The following PARVG variants were observed in gnomAD, a reference collection of about 807,000 sequenced individuals.
PARVG encodes parvin gamma.
Under a neutral mutation model 44.4 loss-of-function variants are expected in PARVG, and 36 were observed. The ratio of observed to expected loss-of-function variants is 0.81; its 90% CI spans 0.62 to 1.07. The LOEUF (loss-of-function observed/expected upper bound fraction) is 1.07, where lower values mean the gene tolerates loss of function less well. PARVG is among the 50% of genes least tolerant of loss of function. The pLI is 0.00. For synonymous variants in PARVG, 170 were observed against 174.1 expected (o/e 0.98, Z 0.19); for missense variants, 407 against 407.4 (o/e 1.00, Z 0.01).
chr22:44,184,409 G>C (rs1214421517), intron 3 of PARVG: 1 of 152,178 alleles, frequency 6.6e-6, no homozygotes. Flanking sequence ...CAGGATCTCG[G>C]CTCACTGCAG....
At position 44,200,053 on chromosome 22, in the gene PARVG, C is replaced by T. The variant is rs544807213; in HGVS notation, c.813+1331C>T. On this transcript the variant is annotated intron_variant, in intron 12 of 13. Transcript: ENST00000444313. Reference sequence around the variant, plus strand: ...AGATGCAGCTCCCACCGCCTCTTCCCCAGGTACAGCCTTCAGTGCCCGCTG... The same window carrying T: ...AGATGCAGCTCCCACCGCCTCTTCCTCAGGTACAGCCTTCAGTGCCCGCTG... 2.3e-3 allele frequency among the ~76,000 whole-genome samples: 353 copies of T among 152,256 alleles called. 2 individuals carry two copies. Among genetic ancestry groups the T allele is most frequent in the African/African-American group, 8.3e-3 (345 of 41,540 alleles).
At chr22:44,195,959 G>T in intron 9 of PARVG, 196 bp from the exon 10 acceptor site, 1 of 598,396 alleles carries the variant, frequency 1.7e-6, no homozygotes, top group Non-Finnish European at 2.9e-6. Context: ...AGAGAGAGAC[G>T]GTGACTCCCC....
chr22:44,188,977 C>G (rs139137), intron 5 of PARVG, 137 bp from the exon 6 acceptor site: 623,439 of 1,146,692 alleles, frequency 0.54, 170,793 homozygotes, highest in Admixed American at 0.66. Flanking sequence ...GTGTGGCCCA[C>G]GGTCCAACAC....
chr22:44,196,238 G>A (rs1320734837), intron 10 of PARVG, 25 bp downstream of exon 10: 6 of 1,614,146 alleles, frequency 3.7e-6, no homozygotes, highest in Non-Finnish European at 5.1e-6. Context: ...AGCTCTCAGC[G>A]GCTCTCAGGC....
rs78936012 is a variant in PARVG at position 44,188,497 on chromosome 22, G to A, written c.248-617G>A. On this transcript the variant is annotated intron_variant, in intron 5 of 13. Transcript: ENST00000444313. Reference sequence around the variant, plus strand: ...CCCAATTCCATGTCCTCAGCACTTCGCCTGAGGCCAGCCTCTGCAGTGTTC... The same window carrying A: ...CCCAATTCCATGTCCTCAGCACTTCACCTGAGGCCAGCCTCTGCAGTGTTC... 2,419 of 161,794 alleles carry A rather than the reference G, an allele frequency of 0.015. 139 individuals are homozygous for A. In the East Asian group the frequency reaches 0.19, roughly 13 times the overall value. 10.0% of individuals were successfully genotyped at this position (161,794 alleles called of 1,614,324 possible). A position where few individuals can be genotyped will look rare whatever the true frequency, so the allele number is the denominator to read the frequency against.
At chr22:44,185,709 CT>C (rs1443616974) in intron 3 of PARVG, 98 bp from the exon 4 acceptor site, 18 of 1,034,976 alleles carry the variant, frequency 1.7e-5, no homozygotes, top group Non-Finnish European at 2.6e-5. Flanking sequence ...ACCGGTGCCC[CT>C]GGGTCTGCGG....
intron 8 of PARVG, 37 bp downstream of exon 8, chr22:44,192,141 G>T (rs774874478): frequency 1.9e-6 from 3 of 1,607,648 alleles, no homozygotes; most frequent in East Asian, 4.5e-5. Flanking sequence ...TGGGGCTGGG[G>T]CTCACAGCGG....
rs2054674934 is a variant in PARVG, at chr22:44,199,389, C to T, written c.813+667C>T. ...TCTTCCTGTTCTGTTTATTGATCCACCCAATTTACCCATACACTTGCCTGC... is the reference window on the plus strand; with the variant it reads ...TCTTCCTGTTCTGTTTATTGATCCATCCAATTTACCCATACACTTGCCTGC... On this transcript the variant is annotated intron_variant, in intron 12 of 13. Transcript: ENST00000444313. Among the ~76,000 whole-genome samples the T allele has an allele frequency of 4.6e-5, 7 of 152,038 alleles. No homozygotes were observed. The South Asian group carries it at 1.5e-3, about 32-fold the overall frequency.
intron 7 of PARVG, 110 bp downstream of exon 7, chr22:44,190,776 G>A: frequency 1.1e-6 from 1 of 879,302 alleles, no homozygotes. Flanking sequence ...CCCAGGGTGA[G>A]TTTCAGGGAA....
intron 12 of PARVG, among the ~76,000 whole-genome samples, chr22:44,202,604 A>G (rs1408852157): frequency 6.6e-6 from 1 of 152,252 alleles, no homozygotes; most frequent in Non-Finnish European, 1.5e-5. Flanking sequence ...TCAGACTCCA[A>G]GAATGAATTT....
Position 44,208,397 on chromosome 22 carries a change from G to A in PARVG, c.*1971G>A, listed in dbSNP as rs2054805747. 1 of 152,072 alleles carries A rather than the reference G, an allele frequency of 6.6e-6. No individual in the cohort carries two copies. The highest frequency in any genetic ancestry group is 1.5e-5 in the Non-Finnish European group (1 of 68,020). 9.4% of individuals were successfully genotyped at this position (152,072 alleles called of 1,614,324 possible). On this transcript the variant is annotated 3_prime_UTR_variant, in exon 14 of 14. Coordinates refer to ENST00000444313, the MANE Select transcript of PARVG (RefSeq NM_022141.7). The stretch of plus-strand genomic sequence containing the variant: ...CCCTTCTCCCAGCCCCTGGCCCTGG[G>A]GACCACTGATCTGTTTTCTGTCACC...
intron 12 of PARVG, 78 bp downstream of exon 12, chr22:44,198,800 T>A: frequency 3.4e-6 from 4 of 1,167,488 alleles, no homozygotes; most frequent in Non-Finnish European, 5.1e-6. Context: ...CCAGTCTGTT[T>A]ATTCACTTCC....
intron 12 of PARVG, among the ~76,000 whole-genome samples, chr22:44,204,946 C>T (rs11703622): frequency 0.25 from 37,943 of 152,052 alleles, 4,924 homozygotes; most frequent in Middle Eastern, 0.31. Context: ...GTGGGAGGGC[C>T]GGCAGGCTCC....
rs1201579376 is a variant in PARVG at position 44,181,845 on chromosome 22, G to C, written c.-85G>C. On this transcript the variant is annotated 5_prime_UTR_variant, in exon 2 of 14. Coordinates refer to ENST00000444313, the MANE Select transcript of PARVG (RefSeq NM_022141.7). ...AAGACCCCAGAAGAACCCGGAACTT[G>C]CTTCCATTCGGAATCCAGGGACCAC... is the stretch of plus-strand genomic sequence containing the variant. 1 of 985,396 alleles carries C rather than the reference G, an allele frequency of 1.0e-6. No individual in the cohort carries two copies. The highest frequency in any genetic ancestry group is 1.7e-5 in the African/African-American group (1 of 57,242). 61.0% of individuals were successfully genotyped at this position (985,396 alleles called of 1,614,324 possible). A position where few individuals can be genotyped will look rare whatever the true frequency, so the allele number is the denominator to read the frequency against.
rs2054805869 is a variant in PARVG at position 44,208,403 on chromosome 22, C to G, written c.*1977C>G. The G allele has an allele frequency of 1.3e-5, 2 of 152,234 alleles. No homozygotes were observed. The highest frequency in any genetic ancestry group is 2.9e-5 in the Non-Finnish European group (2 of 68,046). 9.4% of individuals were successfully genotyped at this position (152,234 alleles called of 1,614,324 possible). A position where few individuals can be genotyped will look rare whatever the true frequency, so the allele number is the denominator to read the frequency against. On this transcript the variant is annotated 3_prime_UTR_variant, in exon 14 of 14. Coordinates refer to ENST00000444313, the MANE Select transcript of PARVG (RefSeq NM_022141.7). ...TCCCAGCCCCTGGCCCTGGGGACCA[C>G]TGATCTGTTTTCTGTCACCATCATT...
upstream of PARVG, among the ~76,000 whole-genome samples, chr22:44,180,325 C>T (rs1392958774): frequency 6.6e-6 from 1 of 152,194 alleles, no homozygotes; most frequent in East Asian, 1.9e-4. Flanking sequence ...CTTCTGGGTT[C>T]CTTTAACCCT....
chr22:44,188,923 A>G, intron 5 of PARVG, 191 bp from the exon 6 acceptor site: 11 of 533,814 alleles, frequency 2.1e-5, no homozygotes, highest in South Asian at 1.1e-4. Context: ...TGTGTAGATG[A>G]GGGTCTCCTG....
At chr22:44,176,956 A>T (rs933930171), upstream of PARVG, among the ~76,000 whole-genome samples, 6 of 152,130 alleles carry the variant, frequency 3.9e-5, no homozygotes, top group Admixed American at 1.3e-4. Context: ...CTTATTCACC[A>T]TCATGAGAAC....
chr22:44,185,693 G>T, intron 3 of PARVG, 115 bp from the exon 4 acceptor site: 1 of 813,046 alleles, frequency 1.2e-6, no homozygotes. Context: ...GGGCGGAAGT[G>T]GCAGGACCGG....
Sources: gnomAD v4.1 joint callset for allele counts (sites outside exome capture counted in the v4.1 genomes callset) on GRCh38, gnomAD v4.1.1 for gene constraint, MANE v1.5 for transcripts, NCBI Gene and HGNC (gene_info 2026-07-23, HGNC 2026-07-21) for gene names.